ACY3: variants seen among roughly 807,000 people sequenced by gnomAD.
ACY3 encodes aminoacylase 3, also known as N-acyl-aromatic-L-amino acid amidohydrolase (carboxylate-forming).
Under a neutral mutation model 24.6 loss-of-function variants are expected in ACY3, and 20 were observed. That is an observed-to-expected ratio of 0.81 (90% CI 0.57 to 1.18). The LOEUF (loss-of-function observed/expected upper bound fraction) is 1.18, where lower values mean the gene tolerates loss of function less well. Ranked by LOEUF, ACY3 falls within the 50% of genes most tolerant of loss-of-function variation. The pLI is 0.00. For synonymous variants in ACY3, 174 were observed against 188.4 expected, an observed-to-expected ratio of 0.92 and a Z score of 0.62; for missense variants, 423 against 426.8, an observed-to-expected ratio of 0.99 and a Z score of 0.08.
chr11:67,647,185 T>A, intron 2 of ACY3, 122 bp from the exon 3 acceptor site: 1 of 660,732 alleles, frequency 1.5e-6, no homozygotes, highest in Non-Finnish European at 2.5e-6. Context: ...CAGCTGGGAG[T>A]GTCTCAGCTG....
rs1855475347 is a variant in ACY3 at position 67,644,757 on chromosome 11, CA to C, written c.744+2del. On this transcript the variant is annotated splice_donor_variant, in intron 7 of 7. Coordinates refer to ENST00000255082, the MANE Select transcript of ACY3 (RefSeq NM_080658.2). LOFTEE classifies it high-confidence loss of function. ...CCACACACACACACACACACACACA[CA>C]CCTGCAGCTGAGGATGCACAGTGCC... is the stretch of plus-strand genomic sequence containing the variant. 1.3e-6 allele frequency: 2 copies of C among 1,549,102 alleles called. No individual in the cohort carries two copies. The highest frequency in any genetic ancestry group is 1.7e-6 in the Non-Finnish European group (2 of 1,147,538).
At chr11:67,649,437 G>A (rs1855576110) in intron 1 of ACY3, among the ~76,000 whole-genome samples, 1 of 152,218 alleles carries the variant, frequency 6.6e-6, no homozygotes, top group African/African-American at 2.4e-5. Flanking sequence ...TCCCTTGGCT[G>A]GGGTCCAGCT....
At chr11:67,649,307 G>A (rs1183771353) in intron 1 of ACY3, among the ~76,000 whole-genome samples, 1 of 152,184 alleles carries the variant, frequency 6.6e-6, no homozygotes, top group Non-Finnish European at 1.5e-5. Context: ...AGGAAGGAAG[G>A]GCCTCCGTGG....
chr11:67,645,622 G>T, intron 4 of ACY3, 70 bp downstream of exon 4: 1 of 1,512,314 alleles, frequency 6.6e-7, no homozygotes, highest in Non-Finnish European at 8.9e-7. Context: ...GGAGGTTCCA[G>T]CATTGTCCCG....
intron 4 of ACY3, 119 bp from the exon 5 acceptor site, chr11:67,645,499 C>A: frequency 7.8e-7 from 1 of 1,280,532 alleles, no homozygotes; most frequent in Non-Finnish European, 1.1e-6. Context: ...TCTCCCTCTA[C>A]CCTCTGGCAG....
At chr11:67,645,418 C>T in intron 4 of ACY3, 38 bp from the exon 5 acceptor site, 1 of 1,596,538 alleles carries the variant, frequency 6.3e-7, no homozygotes, top group East Asian at 2.2e-5. Context: ...CCCAGGCCTA[C>T]TTGGGAAGGG....
At position 67,645,117 on chromosome 11, in the gene ACY3, G is replaced by T. The variant is rs373507767; in HGVS notation, c.562C>A (p.Arg188=). 1.9e-6 allele frequency: 3 copies of T among 1,613,516 alleles called. No homozygotes were observed. The highest frequency in any genetic ancestry group is 2.5e-6 in the Non-Finnish European group (3 of 1,179,884). The change falls in exon 6 of 8, where the codon CGG becomes AGG. Residue 188 remains arginine, a synonymous_variant. Coordinates refer to ENST00000255082, the MANE Select transcript of ACY3 (RefSeq NM_080658.2). ...ELGPQPQGVL[R]ADIFSRMRTL... is the part of the protein sequence containing the mutation. The stretch of plus-strand genomic sequence containing the variant: ...CTCATCCTTGAGAAAATGTCAGCCC[G>T]CAGCACACCCTGTGGCTGGGGGCCC...
intron 1 of ACY3, among the ~76,000 whole-genome samples, chr11:67,649,933 CGTGT>C (rs3029299): frequency 0.067 from 10,244 of 151,906 alleles, 1,170 homozygotes; most frequent in African/African-American, 0.24. Flanking sequence ...AGCATGTGTG[CGTGT>C]GTGTGTGTTG....
At chr11:67,643,948 T>C (rs549698171) in intron 7 of ACY3, among the ~76,000 whole-genome samples, 132 of 152,152 alleles carry the variant, frequency 8.7e-4, no homozygotes, top group Non-Finnish European at 1.4e-3. Flanking sequence ...TGAGTTGAGA[T>C]CGCACCACTG....
At position 67,647,025 on chromosome 11, in the gene ACY3, G is replaced by T; in HGVS notation, c.19C>A (p.Pro7Thr). MCSLPV[P>T]REPLRRVAVT... is the part of the protein sequence containing the mutation. ...GCCACGCGACGCAGGGGCTCCCGGGGCACAGGCAGTGAGCACATGCTGGTG... is the reference window on the plus strand; with the variant it reads ...GCCACGCGACGCAGGGGCTCCCGGGTCACAGGCAGTGAGCACATGCTGGTG... The change falls in exon 3 of 8, where the codon CCC becomes ACC. Residue 7 changes from proline (P) to threonine (T), a missense_variant. Coordinates refer to ENST00000255082, the MANE Select transcript of ACY3 (RefSeq NM_080658.2). The T allele has an allele frequency of 1.3e-6, 2 of 1,537,528 alleles. No homozygotes were observed. Among genetic ancestry groups the T allele is most frequent in the Non-Finnish European group, 8.8e-7 (1 of 1,139,344 alleles).
intron 7 of ACY3, 126 bp from the exon 8 acceptor site, chr11:67,643,065 T>C (rs1393131707): frequency 1.3e-6 from 1 of 797,830 alleles, no homozygotes; most frequent in Non-Finnish European, 2.0e-6. Context: ...ATGCTTCACT[T>C]CCTTAATCCA....
chr11:67,650,361 T>C (rs1303989674), intron 1 of ACY3, among the ~76,000 whole-genome samples: 1 of 152,220 alleles, frequency 6.6e-6, no homozygotes, highest in African/African-American at 2.4e-5. Flanking sequence ...GGGGAGACAC[T>C]GCTTTGGGAG....
chr11:67,645,913 C>A, intron 3 of ACY3, 26 bp from the exon 4 acceptor site: 1 of 1,559,928 alleles, frequency 6.4e-7, no homozygotes. Flanking sequence ...TGGGGGACAC[C>A]GATCTTCACA....
chr11:67,644,657 G>T, intron 7 of ACY3, 103 bp downstream of exon 7: 1 of 1,129,600 alleles, frequency 8.9e-7, no homozygotes, highest in Non-Finnish European at 1.3e-6. Flanking sequence ...TGGGAGGCTT[G>T]GCTGCACCCC....
At position 67,644,745 on chromosome 11, in the gene ACY3, C is replaced by CAT. The variant is rs1336986584; in HGVS notation, c.744+14_744+15insAT. On this transcript the variant is annotated intron_variant, in intron 7 of 7. Transcript: ENST00000255082. ...AATCACCCCCCACCACACACACACA[C>CAT]ACACACACACACACCTGCAGCTGAG... 4.5e-6 allele frequency: 7 copies of CAT among 1,547,408 alleles called. No homozygotes were observed. The East Asian group carries it at 1.2e-4, about 27-fold the overall frequency.
intron 1 of ACY3, among the ~76,000 whole-genome samples, chr11:67,649,841 T>C (rs1463832674): frequency 6.6e-6 from 1 of 150,468 alleles, no homozygotes; most frequent in Non-Finnish European, 1.5e-5. Flanking sequence ...TGTGTACATG[T>C]GTGCGTGTGT....
At position 67,645,062 on chromosome 11, in the gene ACY3, A is replaced by G. The variant is rs189035817; in HGVS notation, c.617T>C (p.Ile206Thr). ...RTLVATVLDF[I>T]ELFNQGTAFP... Reference sequence around the variant, plus strand: ...GGTCTCACCCTGGTTGAAGAGTTCGATGAAGTCCAGAACTGTGGCCACCAG... The same window carrying G: ...GGTCTCACCCTGGTTGAAGAGTTCGGTGAAGTCCAGAACTGTGGCCACCAG... The change falls in exon 6 of 8, where the codon ATC becomes ACC. Residue 206 changes from isoleucine (I) to threonine (T), a missense_variant. Physicochemically the swap from Ile to Thr is moderately conservative, Grantham distance 89 (BLOSUM62 -1). Transcript: ENST00000255082. 46 of 1,613,906 alleles carry G rather than the reference A, an allele frequency of 2.9e-5. No homozygotes were observed. In the African/African-American group the frequency reaches 4.9e-4, roughly 17 times the overall value.
chr11:67,643,541 G>A (rs1846005704), intron 7 of ACY3, among the ~76,000 whole-genome samples: 1 of 152,082 alleles, frequency 6.6e-6, no homozygotes, highest in African/African-American at 2.4e-5. Flanking sequence ...AGCCAGGTGT[G>A]GTGGTGAGCG....
rs1855492790 is a variant in ACY3, at chr11:67,645,329, C to T, written c.484G>A (p.Glu162Lys). The change falls in exon 5 of 8, where the codon GAG (glutamate) becomes AAG (lysine). Residue 162 changes from glutamate to lysine, a missense_variant. Coordinates refer to ENST00000255082, the MANE Select transcript of ACY3 (RefSeq NM_080658.2). ...CQVFLYQRSG[E>K]ESYNLDSVAK... Reference sequence around the variant, plus strand: ...ACAGAGTCCAGGTTGTAGCTCTCCTCCCCAGACCGCTGGTACAGGAAGACC... The same window carrying T: ...ACAGAGTCCAGGTTGTAGCTCTCCTTCCCAGACCGCTGGTACAGGAAGACC... The T allele has an allele frequency of 6.2e-7, 1 of 1,613,752 alleles. No individual in the cohort carries two copies. The highest frequency in any genetic ancestry group is 8.5e-7 in the Non-Finnish European group (1 of 1,180,002).
Sources: gnomAD v4.1 joint callset for allele counts (sites outside exome capture counted in the v4.1 genomes callset) on GRCh38, gnomAD v4.1.1 for gene constraint, MANE v1.5 for transcripts, NCBI Gene and HGNC (gene_info 2026-07-23, HGNC 2026-07-21) for gene names.